The following SLC2A5 variants were observed in gnomAD, a reference collection of about 807,000 sequenced individuals.
SLC2A5 encodes the protein solute carrier family 2 member 5, also known as solute carrier family 2, facilitated glucose transporter member 5.
In SLC2A5, 56 loss-of-function variants were observed where a neutral mutation model predicts 50.3. That is an observed-to-expected ratio of 1.11 (90% CI 0.90 to 1.39). The LOEUF (loss-of-function observed/expected upper bound fraction) is 1.39, where lower values mean the gene tolerates loss of function less well. SLC2A5 is among the 40% of genes most tolerant of loss of function. The pLI, the probability that SLC2A5 is intolerant of heterozygous loss-of-function variation, is 0.00. For missense variants in SLC2A5, 566 were observed against 650.1 expected (o/e 0.87, Z 1.41); for synonymous variants, 269 against 281.9 (o/e 0.95, Z 0.46).
intron 3 of SLC2A5, among the ~76,000 whole-genome samples, chr1:9,054,032 A>G (rs7521322): frequency 0.43 from 64,662 of 151,906 alleles, 14,285 homozygotes; most frequent in East Asian, 0.66. Flanking sequence ...GGTTTATTAC[A>G]TCCGAAGAGA....
At chr1:9,075,380 A>G (rs1374232604) in intron 2 of SLC2A5, among the ~76,000 whole-genome samples, 1 of 151,968 alleles carries the variant, frequency 6.6e-6, no homozygotes, top group Non-Finnish European at 1.5e-5. Flanking sequence ...ATCCTATAAA[A>G]TCTCCAGCAA....
intron 3 of SLC2A5, among the ~76,000 whole-genome samples, chr1:9,053,145 TAATA>T (rs1473230480): frequency 1.2e-5 from 1 of 84,992 alleles, no homozygotes; most frequent in Non-Finnish European, 2.1e-5. Flanking sequence ...ATTTATATGT[TAATA>T]TATATTTTAT....
At position 9,077,449 on chromosome 1, in the gene SLC2A5, C is replaced by CAAA. The variant is rs1557684766; in HGVS notation, c.-59+7564_-59+7565insTTT. 5.0e-3 allele frequency among the ~76,000 whole-genome samples: 594 copies of CAAA among 118,260 alleles called. 7 individuals are homozygous for CAAA. Among genetic ancestry groups the CAAA allele is most frequent in the Admixed American group, 0.033 (389 of 11,820 alleles). The allele number at this position is 118,260 out of a possible 152,430, so 77.6% of individuals were successfully genotyped here. A position where few individuals can be genotyped will look rare whatever the true frequency, so the allele number is the denominator to read the frequency against. On this transcript the variant is annotated intron_variant, in intron 2 of 5. Coordinates refer to the SLC2A5 transcript ENST00000464985. ...GAACACAAAAAAACAAAAAAAAAAC[C>CAAA]CCCAGAAAAGTCTGGACGCAGTGGC...
intron 2 of SLC2A5, among the ~76,000 whole-genome samples, chr1:9,084,101 G>A (rs1210338347): frequency 5.3e-5 from 8 of 149,644 alleles, no homozygotes; most frequent in Non-Finnish European, 7.4e-5. Context: ...CCGAGATAGC[G>A]CCACTGCACT....
Position 9,040,451 on chromosome 1 carries a change from C to G in SLC2A5, c.572-262G>C, listed in dbSNP as rs1557662379. 20 of 473,040 alleles carry G rather than the reference C, an allele frequency of 4.2e-5. No individual in the cohort carries two copies. The East Asian group carries it at 8.4e-4, about 20-fold the overall frequency. The allele number at this position is 473,040 out of a possible 1,614,324, so 29.3% of individuals were successfully genotyped here. The stretch of plus-strand genomic sequence containing the variant: ...AATACCATGTGCTGGTGAGAACGTC[C>G]CCGTGTCCTTCAGAGGACAGTCTTG... On this transcript the variant is annotated intron_variant, in intron 5 of 11. Transcript: ENST00000377424. The surrounding 1 kb of genome is among the most constrained non-coding windows in gnomAD (Gnocchi z 4.3).
chr1:9,073,432 T>C (rs1468931496), upstream of SLC2A5, among the ~76,000 whole-genome samples: 1 of 152,238 alleles, frequency 6.6e-6, no homozygotes, highest in Non-Finnish European at 1.5e-5. Context: ...TGCCTATTTC[T>C]CCATCCTGCT....
At chr1:9,044,402 G>A (rs1223923042) in intron 4 of SLC2A5, among the ~76,000 whole-genome samples, 1 of 152,142 alleles carries the variant, frequency 6.6e-6, no homozygotes, top group Admixed American at 6.5e-5. Flanking sequence ...TTCCTGCCAA[G>A]AAGTTGATTA....
chr1:9,084,322 T>C (rs1490565014), intron 2 of SLC2A5, among the ~76,000 whole-genome samples: 1 of 152,164 alleles, frequency 6.6e-6, no homozygotes, highest in African/African-American at 2.4e-5. Context: ...AGGTGGAAGC[T>C]CCCAACCCTG....
At chr1:9,082,103 AT>A (rs1642361855) in intron 2 of SLC2A5, among the ~76,000 whole-genome samples, 1 of 152,116 alleles carries the variant, frequency 6.6e-6, no homozygotes, top group African/African-American at 2.4e-5. Context: ...AATAAAACGA[AT>A]GTTGTTTAGA....
intron 3 of SLC2A5, among the ~76,000 whole-genome samples, chr1:9,051,225 A>T (rs1641567638): frequency 1.3e-5 from 2 of 151,814 alleles, no homozygotes; most frequent in African/African-American, 4.8e-5. Flanking sequence ...AAAAAAAGAA[A>T]AGGAAGGAAG....
intron 5 of SLC2A5, chr1:9,041,443 G>A (rs919941973): frequency 3.9e-6 from 5 of 1,275,708 alleles, no homozygotes; most frequent in Admixed American, 7.5e-5. Flanking sequence ...TGCTGGGTCC[G>A]CCCCAAGCAC....
chr1:9,090,822 T>C (rs1642455921), upstream of SLC2A5, among the ~76,000 whole-genome samples: 1 of 152,238 alleles, frequency 6.6e-6, no homozygotes, highest in South Asian at 2.1e-4. Flanking sequence ...CTCTCCCAAC[T>C]ACCTCTACAA....
upstream of SLC2A5, among the ~76,000 whole-genome samples, chr1:9,090,542 A>G (rs1642451467): frequency 6.6e-6 from 1 of 152,234 alleles, no homozygotes; most frequent in Non-Finnish European, 1.5e-5. Context: ...AGGATTTGCG[A>G]CAAATCAACT....
rs1217200704 is a variant in SLC2A5 at position 9,035,644 on chromosome 1, T to TCACACC, written c.*1936_*1941dup. 6.6e-6 allele frequency: 1 copy of TCACACC among 152,234 alleles called. No individual in the cohort carries two copies. The highest frequency in any genetic ancestry group is 1.5e-5 in the Non-Finnish European group (1 of 68,064). The allele number at this position is 152,234 out of a possible 1,614,324, so 9.4% of individuals were successfully genotyped here. On this transcript the variant is annotated 3_prime_UTR_variant, in exon 12 of 12. Coordinates refer to ENST00000377424, the MANE Select transcript of SLC2A5 (RefSeq NM_003039.3). ...CATATTTTTGCACATACACTCACACTCACACCCTTTATTCATATCTCTAAG... is the reference window on the plus strand; with the variant it reads ...CATATTTTTGCACATACACTCACACTCACACCCACACCCTTTATTCATATCTCTAAG...
intron 1 of SLC2A5, among the ~76,000 whole-genome samples, chr1:9,059,126 G>A (rs983276194): frequency 1.4e-5 from 2 of 141,486 alleles, no homozygotes; most frequent in Non-Finnish European, 3.0e-5. Context: ...ATGGACAGCC[G>A]CCTTTCTTTC....
intron 1 of SLC2A5, among the ~76,000 whole-genome samples, chr1:9,086,746 T>C (rs1451043973): frequency 6.6e-6 from 1 of 152,074 alleles, no homozygotes; most frequent in Non-Finnish European, 1.5e-5. Flanking sequence ...GAATGGGTGC[T>C]ATTGATTGGT....
intron 1 of SLC2A5, among the ~76,000 whole-genome samples, chr1:9,086,387 C>CTTTTTTTTTTTTT (rs34593630): frequency 5.0e-5 from 7 of 140,546 alleles, no homozygotes; most frequent in African/African-American, 1.9e-4. Flanking sequence ...TTTTCTCTCT[C>CTTTTTTTTTTTTT]TTTTTTTTTT....
upstream of SLC2A5, chr1:9,072,504 C>T: frequency 6.6e-6 from 1 of 152,456 alleles, no homozygotes; most frequent in Non-Finnish European, 1.5e-5. Flanking sequence ...AAGGTCTTTG[C>T]CGTAGCCCAG....
rs747229670 is a variant in SLC2A5, at chr1:9,060,014, TAC to T, written c.34-1766_34-1765del. On this transcript the variant is annotated intron_variant, in intron 1 of 11. Transcript: ENST00000377424. ...CACACACACACACACACACACACAC[TAC>T]ACACACACACTACACACATACAGTA... is the stretch of plus-strand genomic sequence containing the variant. 3.7e-3 allele frequency among the ~76,000 whole-genome samples: 352 copies of T among 94,998 alleles called. 2 individuals are homozygous for T. The highest frequency in any genetic ancestry group is 5.0e-3 in the Non-Finnish European group (247 of 49,798). The allele number at this position is 94,998 out of a possible 152,430, so 62.3% of individuals were successfully genotyped here.
Sources: gnomAD v4.1 joint callset for allele counts (sites outside exome capture counted in the v4.1 genomes callset) on GRCh38, gnomAD v4.1.1 for gene constraint, Gnocchi (gnomAD v3.1) non-coding constraint, MANE v1.5 for transcripts, NCBI Gene and HGNC (gene_info 2026-07-23, HGNC 2026-07-21) for gene names.